The following CACNB2 variants were observed in gnomAD, a reference collection of about 807,000 sequenced individuals.
CACNB2 encodes the protein calcium voltage-gated channel auxiliary subunit beta 2.
In CACNB2, 42 loss-of-function variants were observed where a neutral mutation model predicts 73.3. The ratio of observed to expected loss-of-function variants is 0.57; its 90% CI spans 0.45 to 0.74. The LOEUF (loss-of-function observed/expected upper bound fraction) is 0.74, where lower values mean the gene tolerates loss of function less well. Among genes scored for constraint, CACNB2 ranks in the 30% least tolerant of loss-of-function variants. The pLI is 0.00. For missense variants in CACNB2, 940 were observed against 853.0 expected (o/e 1.10, Z -1.27); for synonymous variants, 348 against 310.3 (o/e 1.12, Z -1.28).
At chr10:18,262,420 G>T (rs1255125587) in intron 2 of CACNB2, among the ~76,000 whole-genome samples, 1 of 152,102 alleles carries the variant, frequency 6.6e-6, no homozygotes, top group African/African-American at 2.4e-5. Context: ...TTATTTAAAG[G>T]TTTTTGCAGT....
intron 2 of CACNB2, among the ~76,000 whole-genome samples, chr10:18,323,607 T>C (rs1370875409): frequency 6.6e-6 from 1 of 152,132 alleles, no homozygotes; most frequent in Non-Finnish European, 1.5e-5. Context: ...ATTTCCAGTG[T>C]AAGATTGTAT....
chr10:18,289,281 CTTGTTTTT>C (rs1309142138), intron 2 of CACNB2, among the ~76,000 whole-genome samples: 1 of 96,942 alleles, frequency 1.0e-5, no homozygotes, highest in Non-Finnish European at 2.0e-5. Flanking sequence ...ATTTTTTTTT[CTTGTTTTT>C]TTGTTTTGTT....
rs549822873 is a variant in CACNB2, at chr10:18,367,796, C to T, written c.214-34128C>T. Among the ~76,000 whole-genome samples, 7 of 152,104 alleles carry T rather than the reference C, an allele frequency of 4.6e-5. No homozygotes were observed. The East Asian group carries it at 1.4e-3, about 29-fold the overall frequency. On this transcript the variant is annotated intron_variant, in intron 2 of 13. Transcript: ENST00000324631. Reference sequence around the variant, plus strand: ...GAAATTGTAGAAAGCTATATTAAACCATATACTTCTTTGAAATAGTATATA... The same window carrying T: ...GAAATTGTAGAAAGCTATATTAAACTATATACTTCTTTGAAATAGTATATA...
At chr10:18,380,452 CTTTTTTTT>C (rs757792853) in intron 2 of CACNB2, among the ~76,000 whole-genome samples, 1 of 111,022 alleles carries the variant, frequency 9.0e-6, no homozygotes, top group Admixed American at 1.0e-4. Context: ...ATGTGTTTTT[CTTTTTTTT>C]TTTTTTTTTT....
At chr10:18,153,093 T>G (rs1314681198) in intron 2 of CACNB2, among the ~76,000 whole-genome samples, 1 of 152,234 alleles carries the variant, frequency 6.6e-6, no homozygotes, top group Non-Finnish European at 1.5e-5. Context: ...TAGTAATGTA[T>G]GTAGCTTTAA....
chr10:18,536,927 AC>A (rs1347514220), intron 12 of CACNB2, among the ~76,000 whole-genome samples: 1 of 152,206 alleles, frequency 6.6e-6, no homozygotes, highest in African/African-American at 2.4e-5. Context: ...GTAATAAGTT[AC>A]CTAGATTCTC....
intron 2 of CACNB2, among the ~76,000 whole-genome samples, chr10:18,311,624 A>G (rs942785698): frequency 6.6e-6 from 1 of 152,212 alleles, no homozygotes; most frequent in Non-Finnish European, 1.5e-5. Flanking sequence ...AAAAAAATAT[A>G]TACTTACTAT....
chr10:18,155,765 G>A (rs1478099385), intron 2 of CACNB2, among the ~76,000 whole-genome samples: 1 of 151,930 alleles, frequency 6.6e-6, no homozygotes, highest in Non-Finnish European at 1.5e-5. Flanking sequence ...CAGTGCAGTG[G>A]TAGCTCAATG....
At position 18,400,574 on chromosome 10, in the gene CACNB2, C is replaced by T. The variant is rs970636739; in HGVS notation, c.214-1350C>T. On this transcript the variant is annotated intron_variant, in intron 2 of 13. Coordinates refer to ENST00000324631, the MANE Select transcript of CACNB2 (RefSeq NM_201596.3). ...CTCCCTCCGCCTCCCCCCTCCCCCTCGAGATCTCCAAAGATAAGGCTTGAA... is the reference window on the plus strand; with the variant it reads ...CTCCCTCCGCCTCCCCCCTCCCCCTTGAGATCTCCAAAGATAAGGCTTGAA... 2.4e-5 allele frequency: 24 copies of T among 1,020,272 alleles called. No homozygotes were observed. The African/African-American group carries it at 3.8e-4, about 16-fold the overall frequency. The allele number at this position is 1,020,272 out of a possible 1,614,324, so 63.2% of individuals were successfully genotyped here.
intron 2 of CACNB2, among the ~76,000 whole-genome samples, chr10:18,151,674 T>G (rs1421841695): frequency 6.6e-6 from 1 of 152,146 alleles, no homozygotes; most frequent in Non-Finnish European, 1.5e-5. Context: ...GGTTATGTGT[T>G]GAGAATGAAG....
At chr10:18,346,035 C>A (rs534186262) in intron 2 of CACNB2, among the ~76,000 whole-genome samples, 54 of 152,282 alleles carry the variant, frequency 3.5e-4, no homozygotes, top group African/African-American at 1.3e-3. Context: ...TCAGGGCTGG[C>A]AGGGCCTGGC....
chr10:18,293,982 T>C (rs1222434855), intron 2 of CACNB2, among the ~76,000 whole-genome samples: 1 of 152,234 alleles, frequency 6.6e-6, no homozygotes, highest in Non-Finnish European at 1.5e-5. Context: ...AAGTGAAATG[T>C]ATCTGGTCTT....
At chr10:18,433,503 C>G (rs1241302318) in intron 3 of CACNB2, among the ~76,000 whole-genome samples, 2 of 152,130 alleles carry the variant, frequency 1.3e-5, no homozygotes, top group African/African-American at 4.8e-5. Context: ...GTTTCTGCAA[C>G]TCAGAAGCTT....
Position 18,319,522 on chromosome 10 carries a change from G to C in CACNB2, c.214-82402G>C, listed in dbSNP as rs564101767. ...TGTGGGGCTTAAAACCTAGGTGATGGGTTGATAGGTGCAACAAGTCACCAT... is the reference window on the plus strand; with the variant it reads ...TGTGGGGCTTAAAACCTAGGTGATGCGTTGATAGGTGCAACAAGTCACCAT... On this transcript the variant is annotated intron_variant, in intron 2 of 13. Transcript: ENST00000324631. Among the ~76,000 whole-genome samples, 86 of 152,030 alleles carry C rather than the reference G, an allele frequency of 5.7e-4. 2 individuals are homozygous for C. In the South Asian group the frequency reaches 0.01, roughly 18 times the overall value.
intron 2 of CACNB2, among the ~76,000 whole-genome samples, chr10:18,279,447 G>C (rs1205093437): frequency 6.6e-6 from 1 of 152,102 alleles, no homozygotes; most frequent in African/African-American, 2.4e-5. Context: ...GTCATCTCTG[G>C]GTTCTGTCAC....
chr10:18,429,026 T>G (rs2045749104), intron 3 of CACNB2, among the ~76,000 whole-genome samples: 1 of 152,248 alleles, frequency 6.6e-6, no homozygotes, highest in South Asian at 2.1e-4. Context: ...AACCATTTCT[T>G]TCACATATCA....
Position 18,248,154 on chromosome 10 carries a change from T to A in CACNB2, c.213+97179T>A, listed in dbSNP as rs16917096. 4.7e-3 allele frequency among the ~76,000 whole-genome samples: 717 copies of A among 152,344 alleles called. 4 individuals carry two copies. Among genetic ancestry groups the A allele is most frequent in the African/African-American group, 0.016 (654 of 41,570 alleles). Reference sequence around the variant, plus strand: ...AAGAGAAATTGAAATCCACAAACTTTAGCCTTCAAATTCAGTAGAAAAGCC... The same window carrying A: ...AAGAGAAATTGAAATCCACAAACTTAAGCCTTCAAATTCAGTAGAAAAGCC... On this transcript the variant is annotated intron_variant, in intron 2 of 13. Transcript: ENST00000324631.
rs572177747 is a variant in CACNB2 at position 18,357,493 on chromosome 10, G to A, written c.214-44431G>A. Among the ~76,000 whole-genome samples, 22 of 152,248 alleles carry A rather than the reference G, an allele frequency of 1.4e-4. 1 individual carries two copies. The South Asian group carries it at 3.9e-3, about 27-fold the overall frequency. ...AGGGCCACTGCATGGACGGATTAGC[G>A]GTGATGTACACCTACAGGTGTGCGG... On this transcript the variant is annotated intron_variant, in intron 2 of 13. Transcript: ENST00000324631.
intron 3 of CACNB2, among the ~76,000 whole-genome samples, chr10:18,414,429 C>G (rs960844775): frequency 6.6e-6 from 1 of 150,826 alleles, no homozygotes; most frequent in African/African-American, 2.4e-5. Flanking sequence ...TTATGGGTAA[C>G]AGTCACATGT....
Sources: allele counts gnomAD v4.1 joint callset (sites outside exome capture counted in the v4.1 genomes callset), GRCh38; gene constraint gnomAD v4.1.1; transcripts MANE v1.5; gene names NCBI Gene and HGNC (gene_info 2026-07-23, HGNC 2026-07-21).